Variants in ACACB observed in about 807,000 individuals in gnomAD.
ACACB encodes the protein acetyl-CoA carboxylase 2.
Under a neutral mutation model 278.8 loss-of-function variants are expected in ACACB, and 209 were observed. The ratio of observed to expected loss-of-function variants is 0.75; its 90% CI spans 0.67 to 0.84. The LOEUF (loss-of-function observed/expected upper bound fraction) is 0.84. ACACB is among the 40% of genes least tolerant of loss of function. The pLI, the probability that ACACB is intolerant of heterozygous loss-of-function variation, is 0.00. For synonymous variants in ACACB, 1,174 were observed against 1,285.6 expected, an observed-to-expected ratio of 0.91 and a Z score of 1.86; for missense variants, 2,850 against 3,269.0, an observed-to-expected ratio of 0.87 and a Z score of 3.13.
At position 109,216,775 on chromosome 12, in the gene ACACB, G is replaced by A. The variant is rs528720681; in HGVS notation, c.3440-21G>A. 8.7e-6 allele frequency: 14 copies of A among 1,614,110 alleles called. 1 individual carries two copies. The African/African-American group carries it at 1.3e-4, about 15-fold the overall frequency. The stretch of plus-strand genomic sequence containing the variant: ...TGAGGAGCCTGAGCTTTACCTCTGT[G>A]TGGTGTTTTGTCTCCCCCAGCCCAC... On this transcript the variant is annotated intron_variant, in intron 23 of 52. Coordinates refer to ENST00000338432, the MANE Select transcript of ACACB (RefSeq NM_001093.4).
intron 2 of ACACB, among the ~76,000 whole-genome samples, chr12:109,144,985 T>G (rs2043207529): frequency 6.6e-6 from 1 of 152,034 alleles, no homozygotes; most frequent in Admixed American, 6.6e-5. Flanking sequence ...CTGGTCTCCA[T>G]CTCCTGACGT....
intron 21 of ACACB, among the ~76,000 whole-genome samples, chr12:109,209,889 ATG>A (rs2045640850): frequency 7.7e-6 from 1 of 130,606 alleles, no homozygotes; most frequent in South Asian, 2.4e-4. Flanking sequence ...GTGTGTATAT[ATG>A]TATATACACA....
In ACACB at chr12:109,256,126, C is replaced by T. The variant is rs745703969; in HGVS notation, c.6167-14C>T. On this transcript the variant is annotated splice_polypyrimidine_tract_variant and intron_variant, in intron 44 of 52. Transcript: ENST00000338432. ...CTGGCCCTCCAGCCTGGGCTTCTGC[C>T]CTTCTGTCCACAGCTCTGAAGGGAA... The T allele has an allele frequency of 6.2e-7, 1 of 1,610,602 alleles. No individual in the cohort carries two copies. Among genetic ancestry groups the T allele is most frequent in the Non-Finnish European group, 8.5e-7 (1 of 1,177,312 alleles).
At chr12:109,172,211 T>A in intron 5 of ACACB, 64 bp from the exon 6 acceptor site, 1 of 1,508,730 alleles carries the variant, frequency 6.6e-7, no homozygotes, top group South Asian at 1.2e-5. Context: ...CGTGAGTTAC[T>A]GCACCTGGCT....
intron 2 of ACACB, among the ~76,000 whole-genome samples, chr12:109,142,814 G>A (rs1376548668): frequency 6.6e-6 from 1 of 152,020 alleles, no homozygotes; most frequent in Non-Finnish European, 1.5e-5. Context: ...TGATCCACCC[G>A]CCTTGGCCTC....
intron 2 of ACACB, among the ~76,000 whole-genome samples, chr12:109,150,407 C>T (rs912791139): frequency 1.5e-4 from 23 of 152,240 alleles, no homozygotes; most frequent in Non-Finnish European, 2.8e-4. Context: ...CCTGTGTCCA[C>T]GGAGGAGGAA....
At chr12:109,234,223 C>T (rs1048845667) in intron 31 of ACACB, among the ~76,000 whole-genome samples, 178 bp downstream of exon 31, 16 of 152,174 alleles carry the variant, frequency 1.1e-4, no homozygotes, top group African/African-American at 2.7e-4. Flanking sequence ...TGTGGCTGAA[C>T]GTGGGGTCAG....
In ACACB at chr12:109,265,131, G is replaced by A. The variant is rs587776495; in HGVS notation, c.6964G>A (p.Ala2322Thr). The A allele has an allele frequency of 6.1e-5, 98 of 1,611,548 alleles. No individual in the cohort carries two copies. The highest frequency in any genetic ancestry group is 8.9e-5 in the East Asian group (4 of 44,880). Reference protein sequence around the residue: ...VISDILEWKTARTFLYWRLRR... With the variant: ...VISDILEWKTTRTFLYWRLRR... Reference sequence around the variant, plus strand: ...ACAGGACATCCTGGAGTGGAAGACCGCACGCACCTTCCTGTATTGGCGTCT... The same window carrying A: ...ACAGGACATCCTGGAGTGGAAGACCACACGCACCTTCCTGTATTGGCGTCT... Residue 2322 changes from alanine (A) to threonine (T), a missense_variant, in exon 51 of 53, where the codon GCA becomes ACA. By Grantham distance (58) the Ala-to-Thr change is moderately conservative. This residue lies in a region of ACACB where 579 missense variants were observed against 684.6 expected (regional missense o/e 0.85). Coordinates refer to ENST00000338432, the MANE Select transcript of ACACB (RefSeq NM_001093.4).
At position 109,266,434 on chromosome 12, in the gene ACACB, A is replaced by C; in HGVS notation, c.*72A>C. 4 of 1,464,752 alleles carry C rather than the reference A, an allele frequency of 2.7e-6. No individual in the cohort carries two copies. The highest frequency in any genetic ancestry group is 1.4e-5 in the South Asian group (1 of 71,186). The allele number at this position is 1,464,752 out of a possible 1,614,324, so 90.7% of individuals were successfully genotyped here. A position where few individuals can be genotyped will look rare whatever the true frequency, so the allele number is the denominator to read the frequency against. ...CCAGACCCACCACCCGTACACCCTC[A>C]GCAGACCCTGAAGACTTGCTTTTAA... On this transcript the variant is annotated 3_prime_UTR_variant, in exon 53 of 53. Coordinates refer to ENST00000338432, the MANE Select transcript of ACACB (RefSeq NM_001093.4).
At chr12:109,124,554 G>T (rs2436629) in intron 1 of ACACB, among the ~76,000 whole-genome samples, 1 of 152,180 alleles carries the variant, frequency 6.6e-6, no homozygotes, top group Non-Finnish European at 1.5e-5. Flanking sequence ...TCTGACCTCC[G>T]TCGTAAAGTT....
intron 1 of ACACB, among the ~76,000 whole-genome samples, chr12:109,119,581 C>T (rs1455463094): frequency 7.0e-6 from 1 of 143,878 alleles, no homozygotes; most frequent in Non-Finnish European, 1.5e-5. Flanking sequence ...CAGAGCAAGA[C>T]TCTGTCTCAA....
At chr12:109,209,917 GTATA>G (rs1270343390) in intron 21 of ACACB, among the ~76,000 whole-genome samples, 2 of 106,084 alleles carry the variant, frequency 1.9e-5, no homozygotes, top group African/African-American at 4.2e-5. Context: ...ACACACGTGT[GTATA>G]TATGTGTATA....
At chr12:109,251,881 T>C (rs1316022766) in intron 41 of ACACB, among the ~76,000 whole-genome samples, 165 bp from the exon 42 acceptor site, 2 of 152,218 alleles carry the variant, frequency 1.3e-5, no homozygotes, top group Non-Finnish European at 2.9e-5. Context: ...TAAAGTGGCC[T>C]GAAGAATAGG....
At chr12:109,200,396 A>G in intron 18 of ACACB, among the ~76,000 whole-genome samples, 1 of 152,058 alleles carries the variant, frequency 6.6e-6, no homozygotes, top group East Asian at 1.9e-4. Flanking sequence ...ATGCTGCTCA[A>G]GCTGGTCAAA....
At chr12:109,256,019 G>T in intron 44 of ACACB, 121 bp from the exon 45 acceptor site, 2 of 666,744 alleles carry the variant, frequency 3.0e-6, no homozygotes, top group Non-Finnish European at 5.3e-6. Context: ...GTAGAAAGGG[G>T]TATCTGGGCT....
At chr12:109,159,850 G>C (rs1469792667) in intron 2 of ACACB, among the ~76,000 whole-genome samples, 1 of 152,056 alleles carries the variant, frequency 6.6e-6, no homozygotes, top group Non-Finnish European at 1.5e-5. Context: ...AGCACTTTGG[G>C]AGGCCAAGGT....
In ACACB at chr12:109,265,231, T is replaced by C. The variant is rs942852049; in HGVS notation, c.7064T>C (p.Ile2355Thr). ...QASGELSHVHIQSMLRRWFVE... is the reference protein window; with the variant it reads ...QASGELSHVHTQSMLRRWFVE... ...AGCGGGGAGCTGAGTCACGTGCATATCCAGTCCATGCTGCGTCGCTGGTTC... is the reference window on the plus strand; with the variant it reads ...AGCGGGGAGCTGAGTCACGTGCATACCCAGTCCATGCTGCGTCGCTGGTTC... Residue 2355 changes from isoleucine to threonine, a missense_variant, in exon 51 of 53, where the codon ATC becomes ACC. Ile to Thr is a moderately conservative substitution (Grantham distance 89). Transcript: ENST00000338432. The C allele has an allele frequency of 1.7e-5, 27 of 1,613,598 alleles. No homozygotes were observed. The highest frequency in any genetic ancestry group is 2.0e-5 in the Non-Finnish European group (24 of 1,180,008).
intron 37 of ACACB, 70 bp from the exon 38 acceptor site, chr12:109,245,556 T>G: frequency 2.0e-6 from 3 of 1,523,302 alleles, no homozygotes; most frequent in Non-Finnish European, 2.7e-6. Context: ...ACAGATCATC[T>G]CTGTCTGGGA....
At chr12:109,218,805 A>G (rs1456019430) in intron 24 of ACACB, among the ~76,000 whole-genome samples, 5 of 145,884 alleles carry the variant, frequency 3.4e-5, no homozygotes, top group South Asian at 2.2e-4. Context: ...GTCTCACTCT[A>G]TCCCCCAGGC....
Sources: gnomAD v4.1 joint callset for allele counts (sites outside exome capture counted in the v4.1 genomes callset) on GRCh38, gnomAD v4.1.1 for gene constraint, gnomAD v4.1.1 regional missense constraint, MANE v1.5 for transcripts, NCBI Gene and HGNC (gene_info 2026-07-23, HGNC 2026-07-21) for gene names.